NT5M: variants seen among roughly 807,000 people sequenced by gnomAD.
NT5M encodes the protein 5'(3')-deoxyribonucleotidase, mitochondrial.
A neutral mutation model predicts 22.2 loss-of-function variants in NT5M; 22 were observed. The ratio of observed to expected loss-of-function variants is 0.99; its 90% CI spans 0.71 to 1.41. NT5M has a LOEUF of 1.41. Ranked by LOEUF, NT5M falls within the 40% of genes most tolerant of loss-of-function variation. The pLI is 0.00. For missense variants in NT5M, 322 were observed against 314.8 expected (o/e 1.02, Z -0.17); for synonymous variants, 167 against 133.0 (o/e 1.26, Z -1.76).
intron 3 of NT5M, chr17:17,333,478 A>G (rs1428965116): frequency 6.6e-6 from 1 of 152,092 alleles, no homozygotes; most frequent in Non-Finnish European, 1.5e-5. Flanking sequence ...TAATTTTTAA[A>G]ACACTTTTTT....
At chr17:17,338,893 A>T (rs2049581507) in intron 3 of NT5M, among the ~76,000 whole-genome samples, 1 of 151,154 alleles carries the variant, frequency 6.6e-6, no homozygotes, top group African/African-American at 2.4e-5. Flanking sequence ...CGCCCAGCTA[A>T]TTTTTTGTAT....
chr17:17,334,507 T>G, intron 3 of NT5M, among the ~76,000 whole-genome samples: 1 of 136,972 alleles, frequency 7.3e-6, no homozygotes, highest in Non-Finnish European at 1.5e-5. Flanking sequence ...TGAGATGGAG[T>G]CTTGCTCTGT....
At chr17:17,337,429 G>T (rs150754713) in intron 3 of NT5M, among the ~76,000 whole-genome samples, 2 of 151,214 alleles carry the variant, frequency 1.3e-5, no homozygotes, top group Non-Finnish European at 2.9e-5. Flanking sequence ...CTTTAGACTG[G>T]GTTTTGCCCT....
At chr17:17,342,771 C>G (rs1355036937) in intron 3 of NT5M, among the ~76,000 whole-genome samples, 2 of 152,180 alleles carry the variant, frequency 1.3e-5, no homozygotes, top group East Asian at 3.8e-4. Context: ...AGTGAGGCCT[C>G]TGTGTGAGGT....
At chr17:17,337,162 T>A (rs1188681988) in intron 3 of NT5M, among the ~76,000 whole-genome samples, 1 of 152,194 alleles carries the variant, frequency 6.6e-6, no homozygotes, top group Non-Finnish European at 1.5e-5. Context: ...AGATGATATT[T>A]CCTTGTAGTT....
chr17:17,333,232 C>T (rs2049424773), intron 3 of NT5M, among the ~76,000 whole-genome samples: 1 of 152,198 alleles, frequency 6.6e-6, no homozygotes, highest in Non-Finnish European at 1.5e-5. Context: ...ATGCTAGAAA[C>T]AAGTTCTTTA....
At chr17:17,310,291 G>A (rs1253451296) in intron 2 of NT5M, among the ~76,000 whole-genome samples, 3 of 152,128 alleles carry the variant, frequency 2.0e-5, no homozygotes, top group Non-Finnish European at 4.4e-5. Context: ...GCTCATGCCT[G>A]TAATCTCAGC....
intron 3 of NT5M, among the ~76,000 whole-genome samples, chr17:17,331,050 A>G (rs1234649342): frequency 1.3e-5 from 2 of 151,568 alleles, no homozygotes; most frequent in African/African-American, 4.9e-5. Flanking sequence ...CCTTCTTTGC[A>G]TATTTTACAT....
At chr17:17,321,916 A>C (rs2049159664) in intron 2 of NT5M, among the ~76,000 whole-genome samples, 1 of 151,874 alleles carries the variant, frequency 6.6e-6, no homozygotes, top group Non-Finnish European at 1.5e-5. Context: ...CAGGGAGGCA[A>C]AGCCTGAGAC....
chr17:17,321,707 A>T (rs1274269688), intron 2 of NT5M, among the ~76,000 whole-genome samples: 1 of 151,788 alleles, frequency 6.6e-6, no homozygotes, highest in South Asian at 2.1e-4. Context: ...GAGCAGTGGG[A>T]TAGCTGGGCT....
chr17:17,329,265 G>A (rs763276669), intron 3 of NT5M, among the ~76,000 whole-genome samples: 35 of 152,136 alleles, frequency 2.3e-4, no homozygotes, highest in Non-Finnish European at 2.8e-4. Flanking sequence ...GGCGTGAGCC[G>A]CAGCGCCTGG....
intron 4 of NT5M, among the ~76,000 whole-genome samples, chr17:17,346,423 G>A (rs1416938428): frequency 1.3e-5 from 2 of 152,238 alleles, no homozygotes; most frequent in African/African-American, 4.8e-5. Context: ...AGGATGGTGG[G>A]GCACAGAGAG....
chr17:17,310,537 A>G (rs2048901143), intron 2 of NT5M, among the ~76,000 whole-genome samples: 1 of 152,154 alleles, frequency 6.6e-6, no homozygotes, highest in South Asian at 2.1e-4. Context: ...TCCAATAAGC[A>G]CATAAAAAGA....
At chr17:17,325,307 A>C (rs2049242408) in intron 3 of NT5M, among the ~76,000 whole-genome samples, 1 of 152,158 alleles carries the variant, frequency 6.6e-6, no homozygotes, top group Middle Eastern at 3.4e-3. Flanking sequence ...TCGGCCCGGG[A>C]CTGCCCTCTG....
At chr17:17,346,676 A>T in intron 4 of NT5M, 129 bp from the exon 5 acceptor site, 1 of 1,080,026 alleles carries the variant, frequency 9.3e-7, no homozygotes, top group South Asian at 1.5e-5. Flanking sequence ...GTGTGCGTGC[A>T]GTCACCCCTT....
At position 17,344,848 on chromosome 17, in the gene NT5M, A is replaced by T; in HGVS notation, c.484A>T (p.Thr162Ser). 6.2e-7 allele frequency: 1 copy of T among 1,614,202 alleles called. No homozygotes were observed. The highest frequency in any genetic ancestry group is 8.5e-7 in the Non-Finnish European group (1 of 1,180,014). Residue 162 changes from threonine (T) to serine (S), a missense_variant, in exon 4 of 5, where the codon ACC (threonine) becomes TCC (serine). Thr to Ser is a moderately conservative substitution (Grantham distance 58). Coordinates refer to ENST00000389022, the MANE Select transcript of NT5M (RefSeq NM_020201.4). ...GPDFLEQIVL[T>S]RDKTVVSADL... Reference sequence around the variant, plus strand: ...TGACTTTCTGGAGCAGATTGTGCTGACCAGAGACAAGACCGTGGTCTCTGC... The same window carrying T: ...TGACTTTCTGGAGCAGATTGTGCTGTCCAGAGACAAGACCGTGGTCTCTGC...
At chr17:17,326,525 C>A (rs2049270067) in intron 3 of NT5M, among the ~76,000 whole-genome samples, 1 of 152,202 alleles carries the variant, frequency 6.6e-6, no homozygotes, top group African/African-American at 2.4e-5. Context: ...AAAGGGAAGC[C>A]CGAGGAAGCA....
intron 3 of NT5M, among the ~76,000 whole-genome samples, chr17:17,336,463 C>T (rs1237069281): frequency 1.3e-5 from 2 of 151,958 alleles, no homozygotes; most frequent in Non-Finnish European, 2.9e-5. Flanking sequence ...ATGTATAGCC[C>T]TTTCTGTGCC....
At chr17:17,330,311 CA>C (rs892453780) in intron 3 of NT5M, among the ~76,000 whole-genome samples, 13 of 131,926 alleles carry the variant, frequency 9.9e-5, no homozygotes, top group South Asian at 2.5e-4. Context: ...AAAAAAAAAA[CA>C]AAAAAAAAAC....
Sources: allele counts gnomAD v4.1 joint callset (sites outside exome capture counted in the v4.1 genomes callset), GRCh38; gene constraint gnomAD v4.1.1; transcripts MANE v1.5; gene names NCBI Gene and HGNC (gene_info 2026-07-23, HGNC 2026-07-21).